Variants in PAPPA2 observed in about 807,000 individuals in gnomAD.
The protein encoded by PAPPA2 is pappalysin 2, also known as pappalysin-2.
In PAPPA2, 86 loss-of-function variants were observed where a neutral mutation model predicts 176.4. The observed-to-expected ratio is 0.49, with a 90% confidence interval of 0.41 to 0.58. PAPPA2 has a LOEUF of 0.58. Among genes scored for constraint, PAPPA2 ranks in the 20% least tolerant of loss-of-function variants. PAPPA2 has a pLI of 0.00. For synonymous variants in PAPPA2, 809 were observed against 852.2 expected (o/e 0.95, Z 0.88); for missense variants, 2,073 against 2,256.9 (o/e 0.92, Z 1.65).
intron 1 of PAPPA2, among the ~76,000 whole-genome samples, chr1:176,493,541 C>A (rs537217537): frequency 2.0e-5 from 3 of 152,170 alleles, no homozygotes. Flanking sequence ...AATGCTGCTT[C>A]CCTTCTCAGG....
rs1260834364 is a variant in PAPPA2 at position 176,556,535 on chromosome 1, C to T, written c.213C>T (p.Tyr71=). Residue 71 remains tyrosine (Y), a synonymous_variant, in exon 2 of 23, where the codon TAC becomes TAT. Transcript: ENST00000367662. ...ASPQHHLFGV[Y]PSRAGNYLRP... is the part of the protein sequence containing the mutation. ...CACAGCATCACCTCTTTGGAGTCTACCCCAGCAGGGCTGGGAACTACCTAA... is the reference window on the plus strand; with the variant it reads ...CACAGCATCACCTCTTTGGAGTCTATCCCAGCAGGGCTGGGAACTACCTAA... 1.9e-6 allele frequency: 3 copies of T among 1,614,186 alleles called. No homozygotes were observed. Among genetic ancestry groups the T allele is most frequent in the South Asian group, 1.1e-5 (1 of 91,076 alleles).
chr1:176,682,592 G>A (rs889069444), intron 4 of PAPPA2, among the ~76,000 whole-genome samples: 26 of 152,170 alleles, frequency 1.7e-4, no homozygotes, highest in African/African-American at 5.8e-4. Context: ...ATTTCTTTGT[G>A]TTAAGAACAT....
At chr1:176,735,698 ATC>A (rs967390616) in intron 12 of PAPPA2, among the ~76,000 whole-genome samples, 7 of 137,064 alleles carry the variant, frequency 5.1e-5, no homozygotes, top group African/African-American at 1.8e-4. Flanking sequence ...CTATCTATCT[ATC>A]TATCTATCTA....
chr1:176,569,251 C>T (rs1265801594), intron 2 of PAPPA2, among the ~76,000 whole-genome samples: 1 of 152,232 alleles, frequency 6.6e-6, no homozygotes, highest in Non-Finnish European at 1.5e-5. Context: ...TTTCTAGCAA[C>T]ACCAAACCAT....
intron 14 of PAPPA2, among the ~76,000 whole-genome samples, chr1:176,745,309 C>T: frequency 6.6e-6 from 1 of 152,170 alleles, no homozygotes; most frequent in East Asian, 1.9e-4. Flanking sequence ...TGCAGCACAC[C>T]TATAGTCAAA....
At chr1:176,494,091 A>T (rs1342781949) in intron 1 of PAPPA2, among the ~76,000 whole-genome samples, 1 of 152,230 alleles carries the variant, frequency 6.6e-6, no homozygotes, top group Non-Finnish European at 1.5e-5. Context: ...ATGTCTGAAC[A>T]TAAATTAGAC....
At chr1:176,793,703 A>T (rs2102941480) in intron 20 of PAPPA2, 34 bp downstream of exon 20, 1 of 1,496,776 alleles carries the variant, frequency 6.7e-7, no homozygotes, top group African/African-American at 1.4e-5. Flanking sequence ...TGCCAAAGAC[A>T]TGAGTCTGCT....
chr1:176,776,642 A>G (rs1664470393), intron 17 of PAPPA2, among the ~76,000 whole-genome samples: 1 of 152,092 alleles, frequency 6.6e-6, no homozygotes, highest in South Asian at 2.1e-4. Context: ...TTCCACACAC[A>G]CAGAAAGATT....
chr1:176,572,010 T>C (rs1337598645), intron 2 of PAPPA2, among the ~76,000 whole-genome samples: 1 of 152,138 alleles, frequency 6.6e-6, no homozygotes, highest in Non-Finnish European at 1.5e-5. Context: ...CGTCAGAGCA[T>C]CACAGGCCAG....
intron 21 of PAPPA2, among the ~76,000 whole-genome samples, chr1:176,805,131 C>T (rs138431287): frequency 2.6e-5 from 4 of 151,622 alleles, no homozygotes; most frequent in Non-Finnish European, 4.4e-5. Flanking sequence ...TTTCATAAAG[C>T]CATATTTATT....
intron 19 of PAPPA2, among the ~76,000 whole-genome samples, chr1:176,791,842 C>G (rs943054706): frequency 4.6e-5 from 7 of 152,152 alleles, no homozygotes; most frequent in African/African-American, 1.7e-4. Flanking sequence ...GCACCCAGCC[C>G]GCCCAGCTGA....
At chr1:176,720,402 A>G (rs1334139343) in intron 12 of PAPPA2, among the ~76,000 whole-genome samples, 1 of 152,126 alleles carries the variant, frequency 6.6e-6, no homozygotes, top group African/African-American at 2.4e-5. Context: ...ATATATGTGC[A>G]ATATAAAATT....
intron 12 of PAPPA2, among the ~76,000 whole-genome samples, chr1:176,729,140 C>A (rs1662014258): frequency 6.6e-6 from 1 of 151,658 alleles, no homozygotes; most frequent in Non-Finnish European, 1.5e-5. Context: ...AAACTTTAGC[C>A]TTTAATATAT....
intron 1 of PAPPA2, among the ~76,000 whole-genome samples, chr1:176,488,177 C>G (rs1652730854): frequency 6.6e-6 from 1 of 151,924 alleles, no homozygotes. Flanking sequence ...GGCATCTTCC[C>G]TTGTTTTTAT....
chr1:176,665,214 A>G (rs538373224), intron 3 of PAPPA2, among the ~76,000 whole-genome samples: 2 of 152,320 alleles, frequency 1.3e-5, no homozygotes, highest in Non-Finnish European at 2.9e-5. Context: ...CATTAGCTCA[A>G]TATGTAACTA....
At position 176,540,583 on chromosome 1, in the gene PAPPA2, G is replaced by T. The variant is rs183894483; in HGVS notation, c.-916-14824G>T. ...GCCCCAGAATCTACAGTGGTGGCTG[G>T]TATCTAGAAGGGCTCAACTTATGCT... On this transcript the variant is annotated intron_variant, in intron 1 of 22. Transcript: ENST00000367662. Among the ~76,000 whole-genome samples the T allele has an allele frequency of 2.0e-5, 3 of 152,266 alleles. No individual in the cohort carries two copies. The East Asian group carries it at 5.8e-4, about 29-fold the overall frequency.
At chr1:176,790,949 GA>G (rs944928025) in intron 18 of PAPPA2, among the ~76,000 whole-genome samples, 1 of 152,122 alleles carries the variant, frequency 6.6e-6, no homozygotes, top group Non-Finnish European at 1.5e-5. Context: ...AACTCGTCTT[GA>G]AAAAATCTGA....
At chr1:176,717,357 G>A (rs1385269624) in intron 12 of PAPPA2, among the ~76,000 whole-genome samples, 1 of 152,172 alleles carries the variant, frequency 6.6e-6, no homozygotes, top group African/African-American at 2.4e-5. Context: ...TGCCATGGCA[G>A]CATGCTATGG....
At chr1:176,816,595 T>C (rs1244072118) in intron 21 of PAPPA2, among the ~76,000 whole-genome samples, 1 of 152,006 alleles carries the variant, frequency 6.6e-6, no homozygotes, top group Non-Finnish European at 1.5e-5. Context: ...TCATCTCTCC[T>C]GTTGTCTTTT....
Sources: allele counts gnomAD v4.1 joint callset (sites outside exome capture counted in the v4.1 genomes callset), GRCh38; gene constraint gnomAD v4.1.1; transcripts MANE v1.5; gene names NCBI Gene and HGNC (gene_info 2026-07-23, HGNC 2026-07-21).